The following IST1 variants were observed in gnomAD, a reference collection of about 807,000 sequenced individuals.
IST1 encodes the protein IST1 homolog.
Under a neutral mutation model 37.0 loss-of-function variants are expected in IST1, and 23 were observed. The observed-to-expected ratio is 0.62, with a 90% confidence interval of 0.45 to 0.88. The LOEUF (loss-of-function observed/expected upper bound fraction) is 0.88, where lower values mean the gene tolerates loss of function less well. Ranked by LOEUF, IST1 falls within the 40% of genes least tolerant of loss-of-function variation. The pLI is 0.00. For missense variants in IST1, 488 were observed against 445.4 expected (o/e 1.10, Z -0.86); for synonymous variants, 180 against 161.7 (o/e 1.11, Z -0.86).
At chr16:71,919,626 A>G (rs1434983050) in intron 4 of IST1, among the ~76,000 whole-genome samples, 1 of 152,170 alleles carries the variant, frequency 6.6e-6, no homozygotes, top group East Asian at 1.9e-4. Context: ...ACCTGAACTC[A>G]AGTGATCAGC....
chr16:71,930,236 A>G lies in IST1; in HGVS notation c.*2423A>G. 1 of 1,485,840 alleles carries G rather than the reference A, an allele frequency of 6.7e-7. No homozygotes were observed. Among genetic ancestry groups the G allele is most frequent in the Non-Finnish European group, 9.0e-7 (1 of 1,112,882 alleles). 92.0% of individuals were successfully genotyped at this position (1,485,840 alleles called of 1,614,324 possible). ...TGACTGACAATTTAGTTTATACTTT[A>G]CAAACATAAGCTATATGCTAGTGTT... On this transcript the variant is annotated 3_prime_UTR_variant, in exon 10 of 10. Coordinates refer to ENST00000378799, the MANE Select transcript of IST1 (RefSeq NM_001270975.2).
At chr16:71,902,490 G>A (rs1303619665) in intron 1 of IST1, among the ~76,000 whole-genome samples, 6 of 152,132 alleles carry the variant, frequency 3.9e-5, no homozygotes, top group African/African-American at 7.2e-5. Flanking sequence ...ACCTGGTTTC[G>A]AACTCTTGAC....
intron 1 of IST1, among the ~76,000 whole-genome samples, chr16:71,899,636 G>A (rs1193867417): frequency 6.6e-6 from 1 of 152,214 alleles, no homozygotes; most frequent in African/African-American, 2.4e-5. Context: ...AGCACTCTGG[G>A]AGGCCGAGGC....
chr16:71,898,286 G>A (rs962862941), intron 1 of IST1, among the ~76,000 whole-genome samples: 1 of 150,650 alleles, frequency 6.6e-6, no homozygotes, highest in African/African-American at 2.4e-5. Flanking sequence ...CCAAGGCAGG[G>A]GAATCATTTG....
chr16:71,909,337 T>A (rs2037300133), intron 1 of IST1, among the ~76,000 whole-genome samples: 1 of 152,150 alleles, frequency 6.6e-6, no homozygotes, highest in Non-Finnish European at 1.5e-5. Flanking sequence ...AACACCGGCC[T>A]CAAGCGATCC....
At chr16:71,903,864 G>C (rs2037162825) in intron 1 of IST1, among the ~76,000 whole-genome samples, 1 of 152,154 alleles carries the variant, frequency 6.6e-6, no homozygotes. Flanking sequence ...CTGTCTGCTA[G>C]GTTGATCAGT....
intron 8 of IST1, chr16:71,924,404 A>G (rs531408105): frequency 2.5e-6 from 1 of 392,310 alleles, no homozygotes; most frequent in South Asian, 2.1e-5. Context: ...CAGCCTGGGC[A>G]ACATGGCGAA....
intron 3 of IST1, 70 bp downstream of exon 3, chr16:71,916,712 TG>T: frequency 7.5e-7 from 1 of 1,326,910 alleles, no homozygotes; most frequent in Non-Finnish European, 1.1e-6. Context: ...GATCTCTTTC[TG>T]CATTAAGGGA....
chr16:71,920,875 T>C (rs762359948), intron 5 of IST1, 53 bp downstream of exon 5: 1 of 1,280,298 alleles, frequency 7.8e-7, no homozygotes, highest in Non-Finnish European at 1.1e-6. Flanking sequence ...CAGTTTATTG[T>C]ACTGCTTGTG....
chr16:71,913,390 G>C (rs1002821371), intron 1 of IST1, among the ~76,000 whole-genome samples: 1 of 151,606 alleles, frequency 6.6e-6, no homozygotes, highest in Non-Finnish European at 1.5e-5. Flanking sequence ...TATGCTTATT[G>C]ACCACTTGTA....
chr16:71,894,885 A>G (rs779097979), upstream of IST1: 2 of 1,453,512 alleles, frequency 1.4e-6, no homozygotes, highest in South Asian at 2.4e-5. Flanking sequence ...TTTTCTCTGA[A>G]TACCGAGATA....
In IST1 at chr16:71,922,621, A is replaced by C; in HGVS notation, c.700A>C (p.Met234Leu). Residue 234 changes from methionine to leucine, a missense_variant, in exon 7 of 10, where the codon ATG becomes CTG. Physicochemically the swap from Met to Leu is conservative, Grantham distance 15. Around this residue, in one of 2 missense-constraint regions of IST1, gnomAD observed 455 missense variants for 386.2 expected, o/e 1.18. Transcript: ENST00000378799. ...PDGTVPMPMP[M>L]PMPMPSANTP... ...TGGAACGGTGCCAATGCCCATGCCC[A>C]TGCCCATGCCTATGCCATCTGCAAA... The C allele has an allele frequency of 6.2e-7, 1 of 1,611,942 alleles. No individual in the cohort carries two copies.
intron 1 of IST1, among the ~76,000 whole-genome samples, chr16:71,897,531 G>T (rs1200063401): frequency 6.6e-6 from 1 of 152,092 alleles, no homozygotes; most frequent in Non-Finnish European, 1.5e-5. Context: ...CTAGAAAAAT[G>T]AAAGGGTAGT....
chr16:71,908,528 G>A (rs1484012972), intron 1 of IST1, among the ~76,000 whole-genome samples: 1 of 151,978 alleles, frequency 6.6e-6, no homozygotes, highest in Non-Finnish European at 1.5e-5. Flanking sequence ...AATACCACCC[G>A]CCTTGGCCTC....
Position 71,904,684 on chromosome 16 carries a change from C to T in IST1, c.-16+9095C>T, listed in dbSNP as rs142152253. ...TCAGCCTCCCAAAGTGCTGGGCTTA[C>T]GGCATGAGCCACCATACCTGGCCTC... On this transcript the variant is annotated intron_variant, in intron 1 of 9. Coordinates refer to ENST00000378799, the MANE Select transcript of IST1 (RefSeq NM_001270975.2). Among the ~76,000 whole-genome samples the T allele has an allele frequency of 1.8e-3, 273 of 152,232 alleles. 3 individuals are homozygous for T. Among genetic ancestry groups the T allele is most frequent in the African/African-American group, 6.2e-3 (259 of 41,530 alleles).
intron 1 of IST1, among the ~76,000 whole-genome samples, chr16:71,897,874 G>T (rs1408678065): frequency 6.6e-6 from 1 of 152,164 alleles, no homozygotes; most frequent in Non-Finnish European, 1.5e-5. Context: ...GCTCGAACCC[G>T]AGAGGCGGAG....
At chr16:71,895,870 C>A (rs904181477) in intron 1 of IST1, among the ~76,000 whole-genome samples, 1 of 152,220 alleles carries the variant, frequency 6.6e-6, no homozygotes, top group South Asian at 2.1e-4. Flanking sequence ...CCTTAACTTT[C>A]CCCTAGTCTT....
At position 71,921,419 on chromosome 16, in the gene IST1, A is replaced by T. The variant is rs758721509; in HGVS notation, c.518A>T (p.Tyr173Phe). The stretch of plus-strand genomic sequence containing the variant: ...TACCTGATTGAAATTGCAAAGAATT[A>T]CAACGTACCCTATGAACCTGACTCT... ...ERYLIEIAKNYNVPYEPDSVV... is the reference protein window; with the variant it reads ...ERYLIEIAKNFNVPYEPDSVV... The change falls in exon 6 of 10, where the codon TAC becomes TTC. Residue 173 changes from tyrosine to phenylalanine, a missense_variant. Tyr to Phe is a conservative substitution (Grantham distance 22). Around this residue, in one of 2 missense-constraint regions of IST1, gnomAD observed 455 missense variants for 386.2 expected, o/e 1.18. Transcript: ENST00000378799. The T allele has an allele frequency of 7.4e-6, 12 of 1,612,656 alleles. No individual in the cohort carries two copies. In the Admixed American group the frequency reaches 1.5e-4, roughly 20 times the overall value.
chr16:71,917,615 C>T (rs2142571859), intron 4 of IST1, among the ~76,000 whole-genome samples: 1 of 152,320 alleles, frequency 6.6e-6, no homozygotes, highest in East Asian at 1.9e-4. Flanking sequence ...GAAAATTGCA[C>T]ATCACAACAT....
Sources: allele counts gnomAD v4.1 joint callset (sites outside exome capture counted in the v4.1 genomes callset), GRCh38; gene constraint gnomAD v4.1.1; regional missense constraint gnomAD v4.1.1; transcripts MANE v1.5; gene names NCBI Gene and HGNC (gene_info 2026-07-23, HGNC 2026-07-21).